NFKBIZ: variants seen among roughly 807,000 people sequenced by gnomAD.
NFKBIZ encodes the protein NF-kappa-B inhibitor zeta.
NFKBIZ carries 19 observed loss-of-function variants against 76.8 expected under a neutral mutation model. The ratio of observed to expected loss-of-function variants is 0.25; its 90% confidence interval spans 0.17 to 0.36. The LOEUF is 0.36. Ranked by LOEUF, NFKBIZ falls within the 10% of genes least tolerant of loss-of-function variation. The probability of loss-of-function intolerance (pLI) is 1.00; values close to 1 mark genes in which losing one functional copy is unlikely to be tolerated. For missense variants in NFKBIZ, 829 were observed against 910.9 expected, an observed-to-expected ratio of 0.91 and a Z score of 1.16; for synonymous variants, 368 against 354.8, an observed-to-expected ratio of 1.04 and a Z score of -0.42.
rs1425176456 is a variant in NFKBIZ, at chr3:101,849,697, C to T, written c.69C>T (p.Cys23=). The change falls in exon 1 of 12, where the codon TGC becomes TGT. Residue 23 remains cysteine (C), a synonymous_variant. Coordinates refer to ENST00000326172, the MANE Select transcript of NFKBIZ (RefSeq NM_031419.4). ...GGCTGCGGGACGCGGCGGGCGGCTG[C>T]GGCCTCATGACCAGCCCGCTCAACC... ...GEGLRDAAGG[C]GLMTSPLNLS... The T allele has an allele frequency of 7.2e-7, 1 of 1,398,026 alleles. No individual in the cohort carries two copies. The highest frequency in any genetic ancestry group is 1.6e-5 in the South Asian group (1 of 63,746). The allele number at this position is 1,398,026 out of a possible 1,614,324, so 86.6% of individuals were successfully genotyped here.
intron 1 of NFKBIZ, among the ~76,000 whole-genome samples, chr3:101,829,015 G>A (rs1198003160): frequency 1.3e-5 from 2 of 152,170 alleles, no homozygotes; most frequent in Non-Finnish European, 2.9e-5. Flanking sequence ...AATAAAAGGA[G>A]AGAAAAGTTT....
chr3:101,833,766 G>C lies in NFKBIZ; in HGVS notation c.-12+4078G>C, dbSNP rs115776381. Among the ~76,000 whole-genome samples, 360 of 152,262 alleles carry C rather than the reference G, an allele frequency of 2.4e-3. 3 individuals are homozygous for C. Among genetic ancestry groups the C allele is most frequent in the African/African-American group, 8.0e-3 (334 of 41,538 alleles). ...AAACAGTTCTGTGTGTTTACCTCTA[G>C]TATTGAACAGTATCCAGCATTTAGA... On this transcript the variant is annotated intron_variant, in intron 2 of 12. Coordinates refer to the NFKBIZ transcript ENST00000394054.
intron 10 of NFKBIZ, 22 bp downstream of exon 10, chr3:101,857,205 C>T (rs1560089938): frequency 5.2e-6 from 1 of 191,700 alleles, no homozygotes; most frequent in Non-Finnish European, 7.7e-6. Flanking sequence ...TTGGAATGGC[C>T]TTCTGTACAC....
At position 101,859,479 on chromosome 3, in the gene NFKBIZ, A is replaced by G. The variant is rs768828453; in HGVS notation, c.*108A>G. The G allele has an allele frequency of 1.6e-5, 13 of 825,820 alleles. No homozygotes were observed. The highest frequency in any genetic ancestry group is 2.3e-4 in the Middle Eastern group (1 of 4,340). The allele number at this position is 825,820 out of a possible 1,614,324, so 51.2% of individuals were successfully genotyped here. On this transcript the variant is annotated 3_prime_UTR_variant, in exon 12 of 12. Transcript: ENST00000326172. Reference sequence around the variant, plus strand: ...ATATTGGCAAATGTAAGTTGTTTCTATGAAACAAACATATTTAGTTCACTA... The same window carrying G: ...ATATTGGCAAATGTAAGTTGTTTCTGTGAAACAAACATATTTAGTTCACTA...
intron 2 of NFKBIZ, among the ~76,000 whole-genome samples, chr3:101,836,072 G>A (rs1358286083): frequency 2.0e-5 from 3 of 152,156 alleles, no homozygotes; most frequent in South Asian, 4.1e-4. Context: ...AATTCCTCTA[G>A]AGGTTTCTGG....
At position 101,849,703 on chromosome 3, in the gene NFKBIZ, C is replaced by T. The variant is rs1942916549; in HGVS notation, c.75C>T (p.Leu25=). The part of the protein sequence containing the change: ...GLRDAAGGCG[L]MTSPLNLSYF... ...GGGACGCGGCGGGCGGCTGCGGCCT[C>T]ATGACCAGCCCGCTCAACCTGAGCT... The change falls in exon 1 of 12, where the codon CTC becomes CTT. Residue 25 remains leucine, a synonymous_variant. Transcript: ENST00000326172. 1 of 1,419,196 alleles carries T rather than the reference C, an allele frequency of 7.0e-7. No homozygotes were observed. The highest frequency in any genetic ancestry group is 9.1e-7 in the Non-Finnish European group (1 of 1,093,414). 87.9% of individuals were successfully genotyped at this position (1,419,196 alleles called of 1,614,324 possible).
chr3:101,836,558 G>T (rs749968079), intron 2 of NFKBIZ, among the ~76,000 whole-genome samples: 4 of 152,176 alleles, frequency 2.6e-5, no homozygotes, highest in African/African-American at 4.8e-5. Context: ...AGCGTGTCCG[G>T]AACATTGTAG....
At chr3:101,856,032 A>G (rs995346716) in intron 9 of NFKBIZ, 130 bp downstream of exon 9, 9 of 788,972 alleles carry the variant, frequency 1.1e-5, no homozygotes, top group African/African-American at 5.3e-5. Context: ...GTAGCAATGT[A>G]TGGGTGGTTA....
At chr3:101,849,505 G>C (rs1233315902), upstream of NFKBIZ, 7 of 840,204 alleles carry the variant, frequency 8.3e-6, no homozygotes, top group Admixed American at 4.4e-5. Context: ...GCAGTCCCGC[G>C]CCGCGCCCGT....
intron 1 of NFKBIZ, among the ~76,000 whole-genome samples, chr3:101,851,182 T>C (rs1289741588): frequency 6.6e-6 from 1 of 152,250 alleles, no homozygotes; most frequent in Non-Finnish European, 1.5e-5. Flanking sequence ...CTTATTTTTG[T>C]ACACTTGATG....
intron 9 of NFKBIZ, among the ~76,000 whole-genome samples, chr3:101,856,271 C>T (rs893462374): frequency 1.3e-5 from 2 of 152,272 alleles, no homozygotes; most frequent in East Asian, 1.9e-4. Context: ...AGGATGGTCT[C>T]GATCTCCTGA....
intron 1 of NFKBIZ, among the ~76,000 whole-genome samples, chr3:101,850,611 G>A (rs1228936608): frequency 1.3e-5 from 2 of 152,150 alleles, no homozygotes; most frequent in African/African-American, 4.8e-5. Flanking sequence ...CTTTCTTAGT[G>A]AACCGAGTTG....
chr3:101,852,102 G>T lies in NFKBIZ; in HGVS notation c.307G>T (p.Val103Phe), dbSNP rs754907358. ...ERQPVEPHMG[V>F]GRQQRGPFQG... ...TTGAACAGTTGAGCCCCATATGGGG[G>T]TTGGCAGGCAGCAGAGAGGCCCCTT... Residue 103 changes from valine (V) to phenylalanine (F), a missense_variant, in exon 2 of 12, where the codon GTT (valine) becomes TTT (phenylalanine). By Grantham distance (50) the Val-to-Phe change is conservative. This residue lies in a region of NFKBIZ where 181 missense variants were observed against 175.3 expected (regional missense o/e 1.03). Transcript: ENST00000326172. The T allele has an allele frequency of 5.6e-6, 9 of 1,614,088 alleles. No homozygotes were observed. The highest frequency in any genetic ancestry group is 7.6e-6 in the Non-Finnish European group (9 of 1,180,048).
Position 101,860,501 on chromosome 3 carries a change from T to G in NFKBIZ, c.*1130T>G, listed in dbSNP as rs957248142. ...TGGCAGTTGCATGGAAGAGAACACC[T>G]CTTTATGGCTTACCCTCTAGAATTT... On this transcript the variant is annotated 3_prime_UTR_variant, in exon 12 of 12. Transcript: ENST00000326172. 4.3e-4 allele frequency: 65 copies of G among 152,116 alleles called. 3 individuals carry two copies. 9.4% of individuals were successfully genotyped at this position (152,116 alleles called of 1,614,324 possible). A position where few individuals can be genotyped will look rare whatever the true frequency, so the allele number is the denominator to read the frequency against.
At chr3:101,837,702 C>T (rs7644388) in intron 2 of NFKBIZ, among the ~76,000 whole-genome samples, 31,263 of 151,796 alleles carry the variant, frequency 0.21, 3,561 homozygotes, top group Non-Finnish European at 0.26. Flanking sequence ...TCTTTACTGC[C>T]GAATTAACTT....
At chr3:101,832,842 A>G (rs1942664129) in intron 2 of NFKBIZ, among the ~76,000 whole-genome samples, 1 of 152,196 alleles carries the variant, frequency 6.6e-6, no homozygotes. Context: ...AAGTCATTCT[A>G]TGTTTAATTG....
chr3:101,835,465 C>A (rs1415983839), intron 2 of NFKBIZ, among the ~76,000 whole-genome samples: 1 of 152,152 alleles, frequency 6.6e-6, no homozygotes, highest in East Asian at 1.9e-4. Flanking sequence ...GCTTAAACAA[C>A]GGAAATCTGT....
At position 101,850,202 on chromosome 3, in the gene NFKBIZ, GCTCT is replaced by G. The variant is rs1027922012; in HGVS notation, c.289+288_289+291del. ...CGGGCGAGTGACCAGGAGATCGCTCGCTCTCTAAGAAGCAGCTTTGTTGAGTCAT... is the reference window on the plus strand; with the variant it reads ...CGGGCGAGTGACCAGGAGATCGCTCGCTAAGAAGCAGCTTTGTTGAGTCAT... On this transcript the variant is annotated intron_variant, in intron 1 of 11. Transcript: ENST00000326172. 5.9e-5 allele frequency: 22 copies of G among 369,992 alleles called. No homozygotes were observed. The Admixed American group carries it at 8.0e-4, about 13-fold the overall frequency. The allele number at this position is 369,992 out of a possible 1,614,324, so 22.9% of individuals were successfully genotyped here. A position where few individuals can be genotyped will look rare whatever the true frequency, so the allele number is the denominator to read the frequency against.
intron 2 of NFKBIZ, among the ~76,000 whole-genome samples, chr3:101,837,228 A>G (rs1285426870): frequency 1.3e-5 from 2 of 152,170 alleles, no homozygotes; most frequent in Non-Finnish European, 2.9e-5. Context: ...GTAAATGTGA[A>G]TCTACTTGTA....
Sources: allele counts gnomAD v4.1 joint callset (sites outside exome capture counted in the v4.1 genomes callset), GRCh38; gene constraint gnomAD v4.1.1; regional missense constraint gnomAD v4.1.1; transcripts MANE v1.5; gene names NCBI Gene and HGNC (gene_info 2026-07-23, HGNC 2026-07-21).